Variants in IL1RAPL2 observed in about 807,000 individuals in gnomAD.
IL1RAPL2 encodes interleukin 1 receptor accessory protein like 2, also known as X-linked interleukin-1 receptor accessory protein-like 2.
A neutral mutation model predicts 44.1 loss-of-function variants in IL1RAPL2; 3 were observed. The observed-to-expected ratio is 0.07, with a 90% CI of 0.03 to 0.18. The LOEUF (loss-of-function observed/expected upper bound fraction) is 0.18. IL1RAPL2 is among the 10% of genes least tolerant of loss of function. The pLI, the probability that IL1RAPL2 is intolerant of heterozygous loss-of-function variation, is 1.00. For missense variants in IL1RAPL2, 391 were observed against 496.4 expected (o/e 0.79, Z 2.02); for synonymous variants, 181 against 178.8 (o/e 1.01, Z -0.10).
At chrX:105,043,515 C>T (rs73520214) in intron 2 of IL1RAPL2, among the ~76,000 whole-genome samples, 3,122 of 108,198 alleles carry the variant, frequency 0.029, 128 homozygotes, top group African/African-American at 0.1. Flanking sequence ...TATGGCTCTA[C>T]TGAAATAAGT....
chrX:105,552,661 G>C (rs1334073577), intron 6 of IL1RAPL2, among the ~76,000 whole-genome samples: 1 of 111,695 alleles, frequency 9.0e-6, no homozygotes. Flanking sequence ...GAGTATTCTT[G>C]GAACCCATAT....
At chrX:104,676,709 C>G (rs1215168932) in intron 2 of IL1RAPL2, among the ~76,000 whole-genome samples, 1 of 111,933 alleles carries the variant, frequency 8.9e-6, no homozygotes, top group East Asian at 2.8e-4. Flanking sequence ...CAACTTGGTT[C>G]CATTCTCCCC....
chrX:104,948,869 C>T (rs1166039712), intron 2 of IL1RAPL2, among the ~76,000 whole-genome samples: 112 of 110,172 alleles, frequency 1.0e-3, no homozygotes, highest in South Asian at 6.6e-3. Flanking sequence ...GGATATTGGT[C>T]TCAAATTCTC....
intron 2 of IL1RAPL2, among the ~76,000 whole-genome samples, chrX:104,798,227 G>A (rs1408530602): frequency 2.7e-5 from 3 of 111,538 alleles, no homozygotes; most frequent in Admixed American, 9.6e-5. Flanking sequence ...GCATTCAGGA[G>A]GCTGTCTTTT....
intron 2 of IL1RAPL2, among the ~76,000 whole-genome samples, chrX:104,946,402 A>AAAAAAAAAAAAAAAAT (rs1556018731): frequency 1.0e-5 from 1 of 95,674 alleles, no homozygotes; most frequent in Non-Finnish European, 2.1e-5. Context: ...AAAAAAAAAA[A>AAAAAAAAAAAAAAAAT]AAAAAAACTT....
chrX:104,596,984 C>T (rs1456093013), intron 1 of IL1RAPL2, among the ~76,000 whole-genome samples: 5 of 110,604 alleles, frequency 4.5e-5, no homozygotes, highest in Admixed American at 9.7e-5. Flanking sequence ...TGTACATGTA[C>T]GAGTTTGGGT....
At chrX:105,566,580 C>T (rs371546708) in intron 6 of IL1RAPL2, among the ~76,000 whole-genome samples, 4 of 111,662 alleles carry the variant, frequency 3.6e-5, no homozygotes, top group South Asian at 7.4e-4. Flanking sequence ...ACATTAAGGA[C>T]GTCTGAAAAC....
chrX:104,999,491 T>C lies in IL1RAPL2; in HGVS notation c.83-195984T>C, dbSNP rs1056494434. Among the ~76,000 whole-genome samples the C allele has an allele frequency of 3.6e-5, 4 of 111,863 alleles. No individual in the cohort carries two copies. In the Admixed American group the frequency reaches 3.8e-4, roughly 11 times the overall value. On this transcript the variant is annotated intron_variant, in intron 2 of 10. Coordinates refer to ENST00000372582, the MANE Select transcript of IL1RAPL2 (RefSeq NM_017416.2). ...TTTAAAGCGAGGCCAATCTGCACAGTTGTATGGTCTCCAAAAACTTTCTGG... is the reference window on the plus strand; with the variant it reads ...TTTAAAGCGAGGCCAATCTGCACAGCTGTATGGTCTCCAAAAACTTTCTGG...
intron 2 of IL1RAPL2, among the ~76,000 whole-genome samples, chrX:104,941,485 G>A (rs1383588061): frequency 3.6e-5 from 4 of 111,793 alleles, no homozygotes; most frequent in African/African-American, 9.8e-5. Context: ...GTGTCTGTTG[G>A]CTGCATAAAT....
At chrX:104,837,911 G>T (rs895234842) in intron 2 of IL1RAPL2, among the ~76,000 whole-genome samples, 3 of 112,042 alleles carry the variant, frequency 2.7e-5, no homozygotes, top group Admixed American at 1.9e-4. Flanking sequence ...TGTATAAGGT[G>T]TAAGGAAGGG....
At chrX:104,683,839 G>A (rs1165628023) in intron 2 of IL1RAPL2, among the ~76,000 whole-genome samples, 1 of 112,109 alleles carries the variant, frequency 8.9e-6, no homozygotes. Flanking sequence ...TTCTCATGGA[G>A]ATTGAGGTGG....
chrX:104,727,257 G>T (rs147646439), intron 2 of IL1RAPL2, among the ~76,000 whole-genome samples: 2 of 110,164 alleles, frequency 1.8e-5, no homozygotes, highest in Non-Finnish European at 3.8e-5. Flanking sequence ...AACAAAAACA[G>T]CCCCATTAAA....
intron 2 of IL1RAPL2, among the ~76,000 whole-genome samples, chrX:104,839,734 G>T (rs765796111): frequency 9.0e-6 from 1 of 111,218 alleles, no homozygotes; most frequent in East Asian, 2.8e-4. Flanking sequence ...TTTTTGTTTC[G>T]TAGGCTACTA....
intron 5 of IL1RAPL2, among the ~76,000 whole-genome samples, chrX:105,292,158 A>G (rs1392943303): frequency 8.9e-6 from 1 of 112,250 alleles, no homozygotes. Flanking sequence ...TAGAACATCC[A>G]TATAACTCAA....
intron 5 of IL1RAPL2, among the ~76,000 whole-genome samples, chrX:105,397,716 A>G (rs193201382): frequency 9.0e-6 from 1 of 111,280 alleles, no homozygotes; most frequent in East Asian, 2.9e-4. Flanking sequence ...TTGTATTTTT[A>G]TTGTCTCTTA....
At chrX:104,891,281 G>A (rs961731654) in intron 2 of IL1RAPL2, among the ~76,000 whole-genome samples, 5 of 111,649 alleles carry the variant, frequency 4.5e-5, no homozygotes, top group African/African-American at 6.5e-5. Flanking sequence ...TGGAAATGCG[G>A]GTTCTTTTTT....
At chrX:105,358,298 T>G (rs983251859) in intron 5 of IL1RAPL2, among the ~76,000 whole-genome samples, 1 of 110,085 alleles carries the variant, frequency 9.1e-6, no homozygotes, top group Non-Finnish European at 1.9e-5. Context: ...ATAAATTTTA[T>G]GTCAGTATGC....
intron 2 of IL1RAPL2, among the ~76,000 whole-genome samples, chrX:104,700,781 G>A: frequency 9.0e-6 from 1 of 111,193 alleles, no homozygotes; most frequent in Non-Finnish European, 1.9e-5. Context: ...ATGGGCAGTT[G>A]ACAGGTTTAC....
chrX:104,675,924 C>T (rs180838120), intron 2 of IL1RAPL2, among the ~76,000 whole-genome samples: 4,713 of 105,357 alleles, frequency 0.045, 278 homozygotes, highest in African/African-American at 0.15. Flanking sequence ...ATTGCAACCC[C>T]TGCCTTTTTT....
Sources: gnomAD v4.1 joint callset for allele counts (sites outside exome capture counted in the v4.1 genomes callset) on GRCh38, gnomAD v4.1.1 for gene constraint, MANE v1.5 for transcripts, NCBI Gene and HGNC (gene_info 2026-07-23, HGNC 2026-07-21) for gene names.